PALM2AKAP2: variants seen among roughly 807,000 people sequenced by gnomAD.
PALM2AKAP2 encodes PALM2 and AKAP2 fusion.
PALM2AKAP2 carries 37 observed loss-of-function variants against 71.5 expected under a neutral mutation model. The observed-to-expected ratio is 0.52, with a 90% CI of 0.40 to 0.68. The LOEUF is 0.68. Among genes scored for constraint, PALM2AKAP2 ranks in the 30% least tolerant of loss-of-function variants. The probability of loss-of-function intolerance (pLI) is 0.00; values close to 1 mark genes in which losing one functional copy is unlikely to be tolerated. For missense variants in PALM2AKAP2, 1,224 were observed against 1,191.8 expected (o/e 1.03, Z -0.40); for synonymous variants, 468 against 478.8 (o/e 0.98, Z 0.29).
At chr9:110,117,299 AT>A (rs1033196626) in intron 1 of PALM2AKAP2, among the ~76,000 whole-genome samples, 19 of 151,876 alleles carry the variant, frequency 1.3e-4, no homozygotes, top group African/African-American at 4.6e-4. Flanking sequence ...TTTTAAAATT[AT>A]TTTTTGTAGA....
At chr9:109,792,375 C>T (rs1827136238) in intron 1 of PALM2AKAP2, among the ~76,000 whole-genome samples, 1 of 152,248 alleles carries the variant, frequency 6.6e-6, no homozygotes, top group African/African-American at 2.4e-5. Context: ...GATCCTTCCA[C>T]CTCAGCTTCC....
At chr9:109,776,171 G>T (rs961872923), upstream of PALM2AKAP2, among the ~76,000 whole-genome samples, 1 of 152,182 alleles carries the variant, frequency 6.6e-6, no homozygotes. Context: ...TATACAATAT[G>T]TTTATTAAAT....
rs113042873 is a variant in PALM2AKAP2, at chr9:110,171,354, C to T, written c.*2857C>T. 1.4e-4 allele frequency: 22 copies of T among 152,320 alleles called. 1 individual carries two copies. Among genetic ancestry groups the T allele is most frequent in the African/African-American group, 5.3e-4 (22 of 41,568 alleles). 9.4% of individuals were successfully genotyped at this position (152,320 alleles called of 1,614,324 possible). ...AAAGAAATACTGTTTCTGGGACTCTCCCACAGTCACAAAGCTGTTTTCACT... is the reference window on the plus strand; with the variant it reads ...AAAGAAATACTGTTTCTGGGACTCTTCCACAGTCACAAAGCTGTTTTCACT... On this transcript the variant is annotated 3_prime_UTR_variant, in exon 4 of 4. Coordinates refer to ENST00000374525, the Ensembl canonical transcript of PALM2AKAP2.
intron 1 of PALM2AKAP2, among the ~76,000 whole-genome samples, chr9:109,805,581 A>G (rs1460395195): frequency 2.6e-5 from 4 of 152,326 alleles, no homozygotes; most frequent in Admixed American, 2.6e-4. Flanking sequence ...ACCTGTGGCT[A>G]TCAGTTTCGG....
intron 1 of PALM2AKAP2, among the ~76,000 whole-genome samples, chr9:110,134,373 G>T (rs1169954369): frequency 6.6e-6 from 1 of 152,150 alleles, no homozygotes; most frequent in Non-Finnish European, 1.5e-5. Context: ...TATTAATTGT[G>T]TTAAGTATCA....
At chr9:109,853,417 A>T (rs1346355356) in intron 1 of PALM2AKAP2, among the ~76,000 whole-genome samples, 1 of 152,206 alleles carries the variant, frequency 6.6e-6, no homozygotes, top group Non-Finnish European at 1.5e-5. Context: ...GATTATACTG[A>T]GCATACTCTT....
intron 7 of PALM2AKAP2, chr9:110,025,068 G>T: frequency 9.1e-7 from 1 of 1,104,118 alleles, no homozygotes; most frequent in Non-Finnish European, 1.4e-6. Context: ...TCGGCTCAGA[G>T]TGCTTAATGT....
At chr9:110,071,946 T>C (rs1194460016) in intron 1 of PALM2AKAP2, among the ~76,000 whole-genome samples, 1 of 152,202 alleles carries the variant, frequency 6.6e-6, no homozygotes, top group Non-Finnish European at 1.5e-5. Context: ...TTTCTCACCA[T>C]TTTGTGTTTA....
At chr9:109,814,646 A>G (rs1398348400) in intron 1 of PALM2AKAP2, among the ~76,000 whole-genome samples, 4 of 152,226 alleles carry the variant, frequency 2.6e-5, no homozygotes, top group Non-Finnish European at 4.4e-5. Context: ...GTGTGGGACA[A>G]TAAGTACTCT....
intron 1 of PALM2AKAP2, among the ~76,000 whole-genome samples, chr9:109,673,101 T>G (rs1827599878): frequency 6.6e-6 from 1 of 152,158 alleles, no homozygotes; most frequent in African/African-American, 2.4e-5. Flanking sequence ...TGTGTCTCAA[T>G]CTCTTTCAGT....
intron 1 of PALM2AKAP2, among the ~76,000 whole-genome samples, chr9:109,771,646 G>C (rs573957239): frequency 6.6e-6 from 1 of 152,134 alleles, no homozygotes; most frequent in Admixed American, 6.5e-5. Flanking sequence ...CTCTCTGATC[G>C]CAGGAAAAGC....
At chr9:110,132,428 T>C (rs901959732) in intron 1 of PALM2AKAP2, among the ~76,000 whole-genome samples, 1 of 151,616 alleles carries the variant, frequency 6.6e-6, no homozygotes, top group Admixed American at 6.6e-5. Context: ...CAACTTCTGC[T>C]CTCCGGGTTC....
intron 3 of PALM2AKAP2, among the ~76,000 whole-genome samples, chr9:109,923,188 C>G (rs762910375): frequency 6.6e-6 from 1 of 152,152 alleles, no homozygotes; most frequent in Non-Finnish European, 1.5e-5. Flanking sequence ...AAGGCAGGGG[C>G]AGTTGCATCT....
chr9:109,679,888 G>A (rs143785761), intron 1 of PALM2AKAP2, among the ~76,000 whole-genome samples: 143 of 152,284 alleles, frequency 9.4e-4, no homozygotes, highest in African/African-American at 3.2e-3. Context: ...AATATAGATA[G>A]TATCCTTTAG....
At chr9:109,948,137 GAA>G (rs1205149264) in intron 6 of PALM2AKAP2, among the ~76,000 whole-genome samples, 1 of 152,166 alleles carries the variant, frequency 6.6e-6, no homozygotes, top group Non-Finnish European at 1.5e-5. Flanking sequence ...TAGGGAAAAA[GAA>G]AAGTCGTTTA....
chr9:109,752,084 G>A (rs997913234), intron 1 of PALM2AKAP2, among the ~76,000 whole-genome samples: 4 of 152,072 alleles, frequency 2.6e-5, no homozygotes, highest in Admixed American at 2.6e-4. Flanking sequence ...CACCTACTAT[G>A]TATTGCTAGG....
chr9:109,858,699 C>T (rs755202065), intron 1 of PALM2AKAP2, among the ~76,000 whole-genome samples: 3 of 152,168 alleles, frequency 2.0e-5, no homozygotes, highest in Non-Finnish European at 2.9e-5. Flanking sequence ...AGTCCTCTAC[C>T]ATTCTGCCTA....
intron 1 of PALM2AKAP2, among the ~76,000 whole-genome samples, chr9:110,074,859 T>C (rs1486624362): frequency 6.6e-6 from 1 of 151,968 alleles, no homozygotes; most frequent in Non-Finnish European, 1.5e-5. Flanking sequence ...AAAAACTAGC[T>C]GGGTGTGGTG....
chr9:110,135,164 A>AAAAAAAAAAAATATATAT, intron 1 of PALM2AKAP2, among the ~76,000 whole-genome samples: 9 of 51,732 alleles, frequency 1.7e-4, no homozygotes, highest in Admixed American at 4.3e-4. Flanking sequence ...AAAAAAAAAA[A>AAAAAAAAAAAATATATAT]ATATATAAAT....
Sources: allele counts gnomAD v4.1 joint callset (sites outside exome capture counted in the v4.1 genomes callset), GRCh38; gene constraint gnomAD v4.1.1; transcripts MANE v1.5; gene names NCBI Gene and HGNC (gene_info 2026-07-23, HGNC 2026-07-21).